The following SLC6A11 variants were observed in gnomAD, a reference collection of about 807,000 sequenced individuals.
SLC6A11 encodes the protein sodium- and chloride-dependent GABA transporter 3.
In SLC6A11, 25 loss-of-function variants were observed where a neutral mutation model predicts 74.8. That is an observed-to-expected ratio of 0.33 (90% confidence interval 0.24 to 0.47). SLC6A11 has a LOEUF of 0.47. Among genes scored for constraint, SLC6A11 ranks in the 20% least tolerant of loss-of-function variants. The pLI is 1.00. For synonymous variants in SLC6A11, 330 were observed against 330.2 expected, an observed-to-expected ratio of 1.00 and a Z score of 0.01; for missense variants, 574 against 837.0, an observed-to-expected ratio of 0.69 and a Z score of 3.88.
At chr3:10,894,259 C>G (rs1205351411) in intron 6 of SLC6A11, among the ~76,000 whole-genome samples, 1 of 152,160 alleles carries the variant, frequency 6.6e-6, no homozygotes, top group Non-Finnish European at 1.5e-5. Flanking sequence ...GTCACCGGTT[C>G]CATTCAGATG....
intron 5 of SLC6A11, among the ~76,000 whole-genome samples, 162 bp downstream of exon 5, chr3:10,844,508 A>C (rs1397345234): frequency 1.3e-5 from 2 of 152,136 alleles, no homozygotes; most frequent in African/African-American, 4.8e-5. Context: ...CTCACCACTT[A>C]TTGGCCGCCC....
At chr3:10,871,833 G>A (rs1338610855) in intron 5 of SLC6A11, among the ~76,000 whole-genome samples, 1 of 152,164 alleles carries the variant, frequency 6.6e-6, no homozygotes, top group East Asian at 1.9e-4. Flanking sequence ...TGGTTGATTT[G>A]GAAACAGGGA....
intron 6 of SLC6A11, among the ~76,000 whole-genome samples, chr3:10,903,291 C>T (rs926158489): frequency 6.6e-6 from 1 of 152,272 alleles, no homozygotes; most frequent in Admixed American, 6.5e-5. Flanking sequence ...TCTAGGGTAG[C>T]TTTTTTCTGT....
intron 7 of SLC6A11, among the ~76,000 whole-genome samples, chr3:10,916,774 G>T (rs556227452): frequency 1.5e-4 from 23 of 152,286 alleles, no homozygotes; most frequent in African/African-American, 5.5e-4. Context: ...TTGATCTAGC[G>T]CAAGGTCAAG....
chr3:10,840,172 G>C (rs1453072983), intron 4 of SLC6A11, among the ~76,000 whole-genome samples: 2 of 152,096 alleles, frequency 1.3e-5, no homozygotes, highest in African/African-American at 4.8e-5. Context: ...TCTAGCCCCT[G>C]CTCCCCATGT....
intron 4 of SLC6A11, among the ~76,000 whole-genome samples, chr3:10,839,677 G>A (rs1694412762): frequency 6.6e-6 from 1 of 152,206 alleles, no homozygotes; most frequent in Non-Finnish European, 1.5e-5. Context: ...TGAATCCTCT[G>A]TCTGCACGTC....
At chr3:10,823,203 A>G in intron 3 of SLC6A11, 99 bp from the exon 4 acceptor site, 3 of 811,236 alleles carry the variant, frequency 3.7e-6, no homozygotes, top group Middle Eastern at 2.6e-4. Context: ...GAGTGGGTAG[A>G]TGAAAATGCC....
intron 6 of SLC6A11, among the ~76,000 whole-genome samples, chr3:10,905,089 C>T (rs954134319): frequency 7.9e-5 from 12 of 152,204 alleles, no homozygotes; most frequent in Admixed American, 6.5e-5. Context: ...TCAAATCATT[C>T]TAATGCCCAC....
At position 10,926,928 on chromosome 3, in the gene SLC6A11, C is replaced by A. The variant is rs1025427731; in HGVS notation, c.1233+812C>A. Reference sequence around the variant, plus strand: ...GAACTTCCCCCAGCCACAGCCTCCCCGCCTCGGAGACTGGGGTCTCTTGGC... The same window carrying A: ...GAACTTCCCCCAGCCACAGCCTCCCAGCCTCGGAGACTGGGGTCTCTTGGC... On this transcript the variant is annotated intron_variant, in intron 9 of 13. Transcript: ENST00000254488. This position sits in a 1 kb window ranked among gnomAD's most constrained non-coding sequence, Gnocchi z 5.7. Among the ~76,000 whole-genome samples, 1 of 152,180 alleles carries A rather than the reference C, an allele frequency of 6.6e-6. No individual in the cohort carries two copies. Among genetic ancestry groups the A allele is most frequent in the South Asian group, 2.1e-4 (1 of 4,828 alleles).
intron 5 of SLC6A11, among the ~76,000 whole-genome samples, chr3:10,860,374 C>G (rs1372948095): frequency 6.6e-6 from 1 of 152,092 alleles, no homozygotes; most frequent in East Asian, 1.9e-4. Flanking sequence ...ATAAGGTGAA[C>G]CATTTTTAAA....
chr3:10,904,444 T>C (rs1695278033), intron 6 of SLC6A11, among the ~76,000 whole-genome samples: 1 of 152,230 alleles, frequency 6.6e-6, no homozygotes, highest in Admixed American at 6.5e-5. Context: ...AACCTCTGAA[T>C]GTGGACCGCC....
At chr3:10,825,743 G>A (rs988592309) in intron 4 of SLC6A11, among the ~76,000 whole-genome samples, 18 of 152,196 alleles carry the variant, frequency 1.2e-4, no homozygotes, top group African/African-American at 4.3e-4. Context: ...AGAAATCCAG[G>A]TTTTAATATA....
intron 5 of SLC6A11, among the ~76,000 whole-genome samples, chr3:10,854,245 C>A (rs187685082): frequency 2.0e-5 from 3 of 152,118 alleles, no homozygotes; most frequent in African/African-American, 7.2e-5. Context: ...AAAAATTAGC[C>A]AGGCATGGTG....
chr3:10,887,962 G>A (rs1031690922), intron 6 of SLC6A11, among the ~76,000 whole-genome samples: 18 of 152,192 alleles, frequency 1.2e-4, no homozygotes, highest in Admixed American at 9.8e-4. Context: ...AAGCCAGAGA[G>A]TTCAGATTTC....
chr3:10,926,436 C>G lies in SLC6A11; in HGVS notation c.1233+320C>G, dbSNP rs1212092253. 1.3e-5 allele frequency among the ~76,000 whole-genome samples: 2 copies of G among 152,224 alleles called. No homozygotes were observed. The highest frequency in any genetic ancestry group is 3.8e-4 in the East Asian group (2 of 5,198). ...AAATTTGCTAAATACTTCCCTTCTG[C>G]TCAACCACTCCTGCCAACAGCACTG... On this transcript the variant is annotated intron_variant, in intron 9 of 13. Transcript: ENST00000254488. This position sits in a 1 kb window ranked among gnomAD's most constrained non-coding sequence, Gnocchi z 5.7.
intron 5 of SLC6A11, among the ~76,000 whole-genome samples, chr3:10,873,514 G>GC (rs1694859986): frequency 9.7e-6 from 1 of 103,596 alleles, no homozygotes; most frequent in African/African-American, 5.0e-5. Flanking sequence ...CCTATCCTAT[G>GC]CCATGCCATC....
Position 10,926,119 on chromosome 3 carries a change from A to G in SLC6A11, c.1233+3A>G. On this transcript the variant is annotated splice_donor_region_variant and intron_variant, in intron 9 of 13. Transcript: ENST00000254488. This position sits in a 1 kb window ranked among gnomAD's most constrained non-coding sequence, Gnocchi z 5.7. ...TCTTCCTGGGCCTGGACAGCCAGGTAAGGGGCCATGGGGATGGGGAGCCCA... is the reference window on the plus strand; with the variant it reads ...TCTTCCTGGGCCTGGACAGCCAGGTGAGGGGCCATGGGGATGGGGAGCCCA... 1 of 1,598,596 alleles carries G rather than the reference A, an allele frequency of 6.3e-7. No individual in the cohort carries two copies. The highest frequency in any genetic ancestry group is 8.6e-7 in the Non-Finnish European group (1 of 1,166,626).
At chr3:10,934,773 GT>G (rs1695736331) in intron 12 of SLC6A11, among the ~76,000 whole-genome samples, 3 of 152,190 alleles carry the variant, frequency 2.0e-5, no homozygotes, top group Admixed American at 1.3e-4. Context: ...GTGGGGAGAG[GT>G]CCTCACAGCC....
At chr3:10,844,149 A>G in intron 4 of SLC6A11, 65 bp from the exon 5 acceptor site, 5 of 1,597,840 alleles carry the variant, frequency 3.1e-6, no homozygotes, top group Non-Finnish European at 4.3e-6. Context: ...GCTCCTCTGC[A>G]GTACTAGCTT....
Sources: allele counts gnomAD v4.1 joint callset (sites outside exome capture counted in the v4.1 genomes callset), GRCh38; gene constraint gnomAD v4.1.1; non-coding constraint Gnocchi (gnomAD v3.1); transcripts MANE v1.5; gene names NCBI Gene and HGNC (gene_info 2026-07-23, HGNC 2026-07-21).